TCEAL4: variants seen among roughly 807,000 people sequenced by gnomAD.
TCEAL4 encodes the protein transcription elongation factor A protein-like 4.
In TCEAL4, 1 loss-of-function variant was observed where a neutral mutation model predicts 1.3. That is an observed-to-expected ratio of 0.79 (90% CI 0.28 to 3.76). The LOEUF (loss-of-function observed/expected upper bound fraction) is 3.76, where lower values mean the gene tolerates loss of function less well. TCEAL4 is among the 30% of genes most tolerant of loss of function. The pLI, the probability that TCEAL4 is intolerant of heterozygous loss-of-function variation, is 0.18. For missense variants in TCEAL4, 129 were observed against 154.7 expected, an observed-to-expected ratio of 0.83 and a Z score of 0.88; for synonymous variants, 54 against 50.7, an observed-to-expected ratio of 1.06 and a Z score of -0.28.
chrX:103,576,306 C>G (rs746585149), exon 1 of TCEAL4: 25 of 670,705 alleles, frequency 3.7e-5, no homozygotes, highest in Middle Eastern at 8.0e-4. Context: ...TGTGGGATAT[C>G]TATTTATGAT....
chrX:103,585,787 G>C (rs979521188), intron 1 of TCEAL4, 163 bp downstream of exon 1: 3 of 1,120,279 alleles, frequency 2.7e-6, no homozygotes, highest in Non-Finnish European at 3.6e-6. Context: ...GGGTGGCTGA[G>C]GGGGAGCACG....
upstream of TCEAL4, among the ~76,000 whole-genome samples, chrX:103,581,356 A>T (rs1271042969): frequency 8.9e-6 from 1 of 111,880 alleles, no homozygotes; most frequent in Non-Finnish European, 1.9e-5. Context: ...TTCCGAAAAA[A>T]TTGAAAAGGA....
In TCEAL4 at chrX:103,586,685, C is replaced by T; in HGVS notation, c.10C>T (p.Leu4Phe). Residue 4 changes from leucine to phenylalanine, a missense_variant, in exon 3 of 3, where the codon CTC (leucine) becomes TTC (phenylalanine). Transcript: ENST00000472484. MEK[L>F]YSENEGMASN... ...GAGGGGAAATCTCGACATGGAAAAA[C>T]TCTACAGTGAAAATGAAGGAATGGC... The T allele has an allele frequency of 8.3e-7, 1 of 1,210,643 alleles. No individual in the cohort carries two copies. The highest frequency in any genetic ancestry group is 1.1e-6 in the Non-Finnish European group (1 of 895,241).
chrX:103,580,640 G>A (rs1473406323), upstream of TCEAL4, among the ~76,000 whole-genome samples: 5 of 110,983 alleles, frequency 4.5e-5, no homozygotes, highest in Admixed American at 9.6e-5. Flanking sequence ...TAATTTTTGC[G>A]GAAACAGGGT....
exon 2 of TCEAL4, chrX:103,577,129 C>T (rs2073487172): frequency 8.6e-7 from 1 of 1,167,168 alleles, no homozygotes. Context: ...ACAAAGTCCA[C>T]ATCTGTCAAT....
At chrX:103,576,553 C>G in intron 1 of TCEAL4, 2 of 954,500 alleles carry the variant, frequency 2.1e-6, no homozygotes, top group South Asian at 4.3e-5. Context: ...CACCTGAGGT[C>G]AGGAGTTTGA....
chrX:103,580,561 A>G (rs1351757390), upstream of TCEAL4, among the ~76,000 whole-genome samples: 1 of 110,961 alleles, frequency 9.0e-6, no homozygotes, highest in Non-Finnish European at 1.9e-5. Context: ...CAATCAATCA[A>G]TTCTCCCACC....
At chrX:103,577,469 A>C (rs2073489307) in intron 2 of TCEAL4, among the ~76,000 whole-genome samples, 1 of 112,121 alleles carries the variant, frequency 8.9e-6, no homozygotes, top group Admixed American at 9.5e-5. Context: ...CAATTTCATT[A>C]AATATACAAA....
At chrX:103,580,297 C>T (rs1163345467) in intron 2 of TCEAL4, among the ~76,000 whole-genome samples, 2 of 111,912 alleles carry the variant, frequency 1.8e-5, no homozygotes, top group East Asian at 2.8e-4. Flanking sequence ...CCAGATTAAA[C>T]GGGTATACTA....
intron 2 of TCEAL4, chrX:103,577,228 G>A: frequency 4.3e-6 from 5 of 1,160,765 alleles, no homozygotes; most frequent in Non-Finnish European, 5.8e-6. Context: ...ATAAATGGAT[G>A]CAATATGCAT....
At chrX:103,585,410 G>C (rs1315493579), upstream of TCEAL4, 1 of 988,066 alleles carries the variant, frequency 1.0e-6, no homozygotes, top group African/African-American at 2.0e-5. Context: ...GGCCCAGGGA[G>C]GTAAGAGGGT....
At chrX:103,586,117 G>C in intron 1 of TCEAL4, 102 bp from the exon 2 acceptor site, 4 of 1,115,749 alleles carry the variant, frequency 3.6e-6, no homozygotes, top group Non-Finnish European at 3.5e-6. Flanking sequence ...GGTAGGGGAG[G>C]AAAACGTTGG....
chrX:103,581,413 C>A (rs777207160), upstream of TCEAL4, among the ~76,000 whole-genome samples: 2 of 111,285 alleles, frequency 1.8e-5, no homozygotes, highest in Non-Finnish European at 3.8e-5. Flanking sequence ...CATCCTAATA[C>A]CAAAACCTAG....
chrX:103,584,657 T>C (rs890139415), upstream of TCEAL4, among the ~76,000 whole-genome samples: 3 of 112,443 alleles, frequency 2.7e-5, no homozygotes, highest in Non-Finnish European at 5.6e-5. Context: ...AAGTGCTACT[T>C]ATTCACAGCT....
rs781418427 is a variant in TCEAL4, at chrX:103,587,036, G to T, written c.361G>T (p.Asp121Tyr). The change falls in exon 3 of 3, where the codon GAT becomes TAT. Residue 121 changes from aspartate to tyrosine, a missense_variant. Physicochemically the swap from Asp to Tyr is radical, Grantham distance 160. Coordinates refer to ENST00000472484, the MANE Select transcript of TCEAL4 (RefSeq NM_001006935.3). The stretch of plus-strand genomic sequence containing the variant: ...TGCAGGAAAGCGCCCAGCTGAGGAT[G>T]ATGTACCCAGGAAAGCCAAAAGAAA... ...RAAGKRPAEDDVPRKAKRKTN... is the reference protein window; with the variant it reads ...RAAGKRPAEDYVPRKAKRKTN... 1.7e-6 allele frequency: 2 copies of T among 1,211,317 alleles called. No individual in the cohort carries two copies. The highest frequency in any genetic ancestry group is 3.5e-5 in the South Asian group (2 of 56,952).
In TCEAL4 at chrX:103,586,732, A is replaced by T; in HGVS notation, c.57A>T (p.Glu19Asp). 8.2e-7 allele frequency: 1 copy of T among 1,212,215 alleles called. No homozygotes were observed. Among genetic ancestry groups the T allele is most frequent in the Non-Finnish European group, 1.1e-6 (1 of 895,592 alleles). ...TGGCTTCAAACCAAGGAAAGATGGAAAATGAAGAACAGCCACAAGACGAGA... is the reference window on the plus strand; with the variant it reads ...TGGCTTCAAACCAAGGAAAGATGGATAATGAAGAACAGCCACAAGACGAGA... ...EGMASNQGKM[E>D]NEEQPQDERK... Residue 19 changes from glutamate (E) to aspartate (D), a missense_variant, in exon 3 of 3, where the codon GAA (glutamate) becomes GAT (aspartate). Glu to Asp is a conservative substitution (Grantham distance 45). This residue lies in a region of TCEAL4 where 116 missense variants were observed against 120.3 expected (regional missense o/e 0.96). Transcript: ENST00000472484.
At position 103,587,166 on chromosome X, in the gene TCEAL4, A is replaced by T. The variant is rs758406612; in HGVS notation, c.491A>T (p.Lys164Met). 2.5e-6 allele frequency: 3 copies of T among 1,209,595 alleles called. No individual in the cohort carries two copies. Among genetic ancestry groups the T allele is most frequent in the Non-Finnish European group, 3.4e-6 (3 of 895,178 alleles). ...ATAAGAGAATTTGACAATATGGCTA[A>T]GGTGCAGGATGAGAAGAGAAAAAGC... ...DMIREFDNMA[K>M]VQDEKRKSKQ... is the part of the protein sequence containing the mutation. Residue 164 changes from lysine (K) to methionine (M), a missense_variant, in exon 3 of 3, where the codon AAG becomes ATG. Coordinates refer to ENST00000472484, the MANE Select transcript of TCEAL4 (RefSeq NM_001006935.3).
intron 2 of TCEAL4, 148 bp downstream of exon 2, chrX:103,586,439 C>A (rs1415241159): frequency 1.2e-5 from 10 of 843,154 alleles, no homozygotes; most frequent in Non-Finnish European, 1.7e-5. Flanking sequence ...GAGAAAGTGG[C>A]AGAGCCTGTC....
rs1285741577 is a variant in TCEAL4 at position 103,587,215 on chromosome X, G to A, written c.540G>A (p.Leu180=). ...GCAAACAGAAATTGGGGGCGTTTTT[G>A]TGGATGCAAAGAAATTTACAGGACC... is the stretch of plus-strand genomic sequence containing the variant. The part of the protein sequence containing the change: ...RKSKQKLGAF[L]WMQRNLQDPF... Residue 180 remains leucine (L), a synonymous_variant, in exon 3 of 3, where the codon TTG becomes TTA. Transcript: ENST00000472484. The A allele has an allele frequency of 8.3e-7, 1 of 1,209,277 alleles. No homozygotes were observed. Among genetic ancestry groups the A allele is most frequent in the Non-Finnish European group, 1.1e-6 (1 of 895,093 alleles).
Sources: allele counts gnomAD v4.1 joint callset (sites outside exome capture counted in the v4.1 genomes callset), GRCh38; gene constraint gnomAD v4.1.1; regional missense constraint gnomAD v4.1.1; transcripts MANE v1.5; gene names NCBI Gene and HGNC (gene_info 2026-07-23, HGNC 2026-07-21).